SLC35F3: variants seen among roughly 807,000 people sequenced by gnomAD.
The protein encoded by SLC35F3 is solute carrier family 35 member F3.
In SLC35F3, 25 loss-of-function variants were observed where a neutral mutation model predicts 49.9. That is an observed-to-expected ratio of 0.50 (90% CI 0.37 to 0.70). The LOEUF (loss-of-function observed/expected upper bound fraction) is 0.70, where lower values mean the gene tolerates loss of function less well. Among genes scored for constraint, SLC35F3 ranks in the 30% least tolerant of loss-of-function variants. SLC35F3 has a pLI of 0.00. For missense variants in SLC35F3, 525 were observed against 639.8 expected (o/e 0.82, Z 1.94); for synonymous variants, 275 against 265.4 (o/e 1.04, Z -0.35).
chr1:233,947,984 A>G (rs1310129085), intron 2 of SLC35F3, among the ~76,000 whole-genome samples: 1 of 150,628 alleles, frequency 6.6e-6, no homozygotes, highest in East Asian at 2.0e-4. Context: ...AAGGGCTCAA[A>G]TGGGTACCAC....
In SLC35F3 at chr1:234,027,526, G is replaced by T. The variant is rs931002236; in HGVS notation, c.283+121768G>T. Among the ~76,000 whole-genome samples the T allele has an allele frequency of 6.6e-6, 1 of 152,202 alleles. No individual in the cohort carries two copies. The highest frequency in any genetic ancestry group is 2.4e-5 in the African/African-American group (1 of 41,444). ...TCCATTCGGTAGTGGTTTAAAGAATGGAGAGTGGGGTCTTAGACTCGCAAT... is the reference window on the plus strand; with the variant it reads ...TCCATTCGGTAGTGGTTTAAAGAATTGAGAGTGGGGTCTTAGACTCGCAAT... On this transcript the variant is annotated intron_variant, in intron 2 of 7. Coordinates refer to ENST00000366618, the MANE Select transcript of SLC35F3 (RefSeq NM_173508.4). The surrounding 1 kb of genome is among the most constrained non-coding windows in gnomAD (Gnocchi z 4.1).
intron 3 of SLC35F3, among the ~76,000 whole-genome samples, chr1:234,277,840 T>C (rs768654454): frequency 6.6e-6 from 1 of 152,142 alleles, no homozygotes; most frequent in Non-Finnish European, 1.5e-5. Context: ...AGAGAGGAAA[T>C]GGCTGACAAA....
At chr1:234,174,397 T>G (rs1039864643) in intron 2 of SLC35F3, among the ~76,000 whole-genome samples, 4 of 152,254 alleles carry the variant, frequency 2.6e-5, no homozygotes, top group African/African-American at 7.2e-5. Flanking sequence ...TTACTCACTT[T>G]GAAAAGATAA....
chr1:234,036,507 A>T (rs955075001), intron 2 of SLC35F3, among the ~76,000 whole-genome samples: 1 of 152,210 alleles, frequency 6.6e-6, no homozygotes, highest in Admixed American at 6.5e-5. Flanking sequence ...GCTGAGAAGG[A>T]GGAGAGCTAT....
chr1:234,010,391 A>G (rs1359855537), intron 2 of SLC35F3, among the ~76,000 whole-genome samples: 1 of 152,230 alleles, frequency 6.6e-6, no homozygotes, highest in African/African-American at 2.4e-5. Flanking sequence ...GTGGAAAACC[A>G]TGAAACCACA....
chr1:234,060,747 C>A (rs1391482584), intron 2 of SLC35F3, among the ~76,000 whole-genome samples: 1 of 152,146 alleles, frequency 6.6e-6, no homozygotes, highest in Non-Finnish European at 1.5e-5. Context: ...CTACTGTGCC[C>A]CACCCTACTC....
At chr1:234,005,399 A>T (rs1558203112) in intron 2 of SLC35F3, among the ~76,000 whole-genome samples, 4 of 152,058 alleles carry the variant, frequency 2.6e-5, no homozygotes, top group Admixed American at 2.0e-4. Context: ...GACTTTCCTT[A>T]TTTCCTGATC....
In SLC35F3 at chr1:234,250,195, G is replaced by A. The variant is rs148968629; in HGVS notation, c.608+18454G>A. ...TAGATGGAACTGTGAGCTAAAAAGA[G>A]ATACAATATGTGGACACTGGTGACT... On this transcript the variant is annotated intron_variant, in intron 3 of 7. Transcript: ENST00000366618. 6.3e-3 allele frequency among the ~76,000 whole-genome samples: 953 copies of A among 152,316 alleles called. 8 individuals are homozygous for A. The highest frequency in any genetic ancestry group is 0.022 in the African/African-American group (898 of 41,564).
intron 2 of SLC35F3, among the ~76,000 whole-genome samples, chr1:234,012,675 G>A (rs1663742203): frequency 6.6e-6 from 1 of 152,212 alleles, no homozygotes; most frequent in South Asian, 2.1e-4. Context: ...GCTCAAAGTT[G>A]GAGCAAAGTG....
At chr1:233,923,297 ATTTG>A (rs1662099468) in intron 2 of SLC35F3, among the ~76,000 whole-genome samples, 1 of 152,162 alleles carries the variant, frequency 6.6e-6, no homozygotes, top group Non-Finnish European at 1.5e-5. Context: ...ATGTTCTTCC[ATTTG>A]TTTGTGTCCT....
rs769039813 is a variant in SLC35F3, at chr1:233,905,083, G to A, written c.6G>A (p.Gly2=). The part of the protein sequence containing the change: M[G]IREFPSGAPR... ...GTCCCACTCTGTCTTTGCCTATGGG[G>A]ATTCGAGAGTTTCCCAGCGGCGCAC... The change falls in exon 1 of 8, where the codon GGG becomes GGA. Residue 2 remains glycine, a synonymous_variant. Transcript: ENST00000366618. The A allele has an allele frequency of 6.1e-5, 95 of 1,564,082 alleles. No individual in the cohort carries two copies. Among genetic ancestry groups the A allele is most frequent in the Middle Eastern group, 1.7e-4 (1 of 6,034 alleles).
chr1:234,195,108 G>T (rs934907215), intron 2 of SLC35F3, among the ~76,000 whole-genome samples: 1 of 152,142 alleles, frequency 6.6e-6, no homozygotes, highest in East Asian at 1.9e-4. Flanking sequence ...AGTTGCACCC[G>T]GGAAGCAAAT....
At chr1:234,186,718 G>A (rs1666648267) in intron 2 of SLC35F3, among the ~76,000 whole-genome samples, 1 of 152,142 alleles carries the variant, frequency 6.6e-6, no homozygotes, top group African/African-American at 2.4e-5. Flanking sequence ...GTAGTTGTAG[G>A]GACTCCGTAA....
At chr1:234,163,673 A>C (rs977657366) in intron 2 of SLC35F3, among the ~76,000 whole-genome samples, 2 of 152,226 alleles carry the variant, frequency 1.3e-5, no homozygotes, top group African/African-American at 4.8e-5. Context: ...TTCTGTAGAG[A>C]AGAACATGCA....
intron 2 of SLC35F3, among the ~76,000 whole-genome samples, chr1:233,922,900 C>T (rs971194429): frequency 1.3e-5 from 2 of 152,018 alleles, no homozygotes; most frequent in African/African-American, 2.4e-5. Context: ...TTTATTAAAT[C>T]GGGAATCGTT....
intron 2 of SLC35F3, among the ~76,000 whole-genome samples, chr1:233,908,218 G>A (rs993423071): frequency 6.6e-6 from 1 of 151,470 alleles, no homozygotes; most frequent in Non-Finnish European, 1.5e-5. Flanking sequence ...AAATTCTCAT[G>A]ATCTCCAGAG....
intron 2 of SLC35F3, among the ~76,000 whole-genome samples, chr1:234,104,940 C>G (rs1462905024): frequency 6.6e-6 from 1 of 152,002 alleles, no homozygotes; most frequent in Non-Finnish European, 1.5e-5. Flanking sequence ...ACCAGCCTGG[C>G]CAACATGGTG....
intron 2 of SLC35F3, among the ~76,000 whole-genome samples, chr1:234,091,402 C>T (rs1460581325): frequency 1.3e-5 from 2 of 152,222 alleles, no homozygotes; most frequent in Non-Finnish European, 2.9e-5. Context: ...AGCAAACACT[C>T]ACCCCTGCCT....
chr1:234,127,065 G>T (rs1665659045), intron 2 of SLC35F3, among the ~76,000 whole-genome samples: 1 of 152,120 alleles, frequency 6.6e-6, no homozygotes, highest in Admixed American at 6.5e-5. Flanking sequence ...TTCTAGGCTT[G>T]GCTTTCTTCT....
Sources: gnomAD v4.1 joint callset for allele counts (sites outside exome capture counted in the v4.1 genomes callset) on GRCh38, gnomAD v4.1.1 for gene constraint, Gnocchi (gnomAD v3.1) non-coding constraint, MANE v1.5 for transcripts, NCBI Gene and HGNC (gene_info 2026-07-23, HGNC 2026-07-21) for gene names.